Variants in TNRC6C observed in about 807,000 individuals in gnomAD.
TNRC6C encodes the protein trinucleotide repeat containing adaptor 6C.
TNRC6C carries 20 observed loss-of-function variants against 153.7 expected under a neutral mutation model. That is an observed-to-expected ratio of 0.13 (90% CI 0.09 to 0.19). TNRC6C has a LOEUF of 0.19. Ranked by LOEUF, TNRC6C falls within the 10% of genes least tolerant of loss-of-function variation. The pLI is 1.00. For synonymous variants in TNRC6C, 811 were observed against 841.4 expected (o/e 0.96, Z 0.63); for missense variants, 1,987 against 2,172.0 (o/e 0.91, Z 1.69).
chr17:78,099,959 G>T (rs1298896635), intron 17 of TNRC6C, among the ~76,000 whole-genome samples: 1 of 152,212 alleles, frequency 6.6e-6, no homozygotes, highest in Non-Finnish European at 1.5e-5. Flanking sequence ...AAACAGAGGG[G>T]CTCAGGCCCC....
At chr17:77,983,401 A>T (rs923992241) in intron 1 of TNRC6C, among the ~76,000 whole-genome samples, 2 of 152,224 alleles carry the variant, frequency 1.3e-5, no homozygotes, top group African/African-American at 4.8e-5. Context: ...TACCAAGGCA[A>T]AATGGGGTAA....
At position 78,049,551 on chromosome 17, in the gene TNRC6C, A is replaced by G. The variant is rs756067258; in HGVS notation, c.489A>G (p.Gln163=). The change falls in exon 3 of 20, where the codon CAA becomes CAG. Residue 163 remains glutamine (Q), a synonymous_variant. Transcript: ENST00000301624. This position sits in a 1 kb window ranked among gnomAD's most constrained non-coding sequence, Gnocchi z 4.1. ...TGCCACAAGAGAGCACAGAACCACA[A>G]ACGTCCACTTCTCAGAATGTGTCTT... The G allele has an allele frequency of 3.5e-5, 56 of 1,613,896 alleles. No homozygotes were observed. Among genetic ancestry groups the G allele is most frequent in the Non-Finnish European group, 4.3e-5 (51 of 1,179,904 alleles).
chr17:78,088,868 A>G (rs1398080407), intron 13 of TNRC6C, among the ~76,000 whole-genome samples: 3 of 148,320 alleles, frequency 2.0e-5, no homozygotes, highest in African/African-American at 7.5e-5. Context: ...ATTTCATCCC[A>G]CCTATTATCC....
intron 2 of TNRC6C, among the ~76,000 whole-genome samples, chr17:78,047,003 T>C (rs1266664603): frequency 6.6e-6 from 1 of 151,908 alleles, no homozygotes; most frequent in Non-Finnish European, 1.5e-5. Context: ...ACCTCACATA[T>C]GGAAAAGAAT....
intron 1 of TNRC6C, among the ~76,000 whole-genome samples, chr17:78,023,679 A>G (rs1056485458): frequency 2.6e-5 from 4 of 152,088 alleles, no homozygotes; most frequent in African/African-American, 7.2e-5. Flanking sequence ...GGTGATACAC[A>G]TCTGTCGTCC....
intron 1 of TNRC6C, among the ~76,000 whole-genome samples, chr17:77,992,931 TAA>T (rs1466386538): frequency 6.6e-6 from 1 of 152,180 alleles, no homozygotes; most frequent in Non-Finnish European, 1.5e-5. Flanking sequence ...GTGGTTCCAT[TAA>T]AGTCTTGGAG....
intron 1 of TNRC6C, among the ~76,000 whole-genome samples, chr17:78,021,236 G>C (rs776421370): frequency 7.9e-5 from 12 of 152,250 alleles, no homozygotes; most frequent in Non-Finnish European, 1.5e-4. Context: ...AACCTCTCCA[G>C]AGAGTCCAGG....
chr17:78,094,060 A>G (rs189318634), intron 16 of TNRC6C, among the ~76,000 whole-genome samples: 12 of 151,602 alleles, frequency 7.9e-5, no homozygotes, highest in Admixed American at 2.0e-4. Context: ...GCTCTCTGCA[A>G]TCTCCACCTT....
chr17:77,970,612 G>A (rs745341757), intron 1 of TNRC6C, among the ~76,000 whole-genome samples: 58 of 152,192 alleles, frequency 3.8e-4, no homozygotes, highest in Non-Finnish European at 5.4e-4. Flanking sequence ...CTTTGAATGC[G>A]GCCCAAAACA....
At chr17:77,994,025 T>C (rs916291971) in intron 1 of TNRC6C, among the ~76,000 whole-genome samples, 1 of 152,096 alleles carries the variant, frequency 6.6e-6, no homozygotes, top group Non-Finnish European at 1.5e-5. Context: ...AAACCCCGTC[T>C]CTACTGAAAA....
rs771888246 is a variant in TNRC6C at position 78,079,652 on chromosome 17, A to G, written c.3357+111A>G. 13 of 1,385,008 alleles carry G rather than the reference A, an allele frequency of 9.4e-6. No individual in the cohort carries two copies. The highest frequency in any genetic ancestry group is 1.4e-5 in the African/African-American group (1 of 69,438). The allele number at this position is 1,385,008 out of a possible 1,614,324, so 85.8% of individuals were successfully genotyped here. A position where few individuals can be genotyped will look rare whatever the true frequency, so the allele number is the denominator to read the frequency against. On this transcript the variant is annotated intron_variant, in intron 10 of 19. Transcript: ENST00000301624. This position sits in a 1 kb window ranked among gnomAD's most constrained non-coding sequence, Gnocchi z 4.3. The stretch of plus-strand genomic sequence containing the variant: ...TTTAAAGTGAGAGCGGAGTTAATCC[A>G]TGTTTAAGAGAAGGCCTTCTGGTTT...
intron 3 of TNRC6C, among the ~76,000 whole-genome samples, chr17:78,057,825 T>TTGTGTG (rs113475283): frequency 6.6e-6 from 1 of 151,466 alleles, no homozygotes; most frequent in South Asian, 2.1e-4. Flanking sequence ...AATTACATTT[T>TTGTGTG]TGTGTGTGTG....
chr17:78,085,071 C>G (rs2073256395), intron 11 of TNRC6C, among the ~76,000 whole-genome samples: 1 of 152,154 alleles, frequency 6.6e-6, no homozygotes, highest in African/African-American at 2.4e-5. Context: ...AAGGAGACAG[C>G]TCTGAAAACA....
At chr17:78,050,281 A>G in exon 3 of TNRC6C, 7 of 1,549,858 alleles carry the variant, frequency 4.5e-6, no homozygotes, top group Non-Finnish European at 6.1e-6. Context: ...TGGCAACCAC[A>G]ATGAAGGAAG....
chr17:78,049,792 A>G lies in TNRC6C; in HGVS notation c.730A>G (p.Ile244Val). 1 of 1,601,740 alleles carries G rather than the reference A, an allele frequency of 6.2e-7. No homozygotes were observed. The highest frequency in any genetic ancestry group is 8.5e-7 in the Non-Finnish European group (1 of 1,172,644). Residue 244 changes from isoleucine to valine, a missense_variant, in exon 3 of 20, where the codon ATA (isoleucine) becomes GTA (valine). Transcript: ENST00000301624. The surrounding 1 kb of genome is among the most constrained non-coding windows in gnomAD (Gnocchi z 4.1). ...AGTCAGTGGGGGCAGTGCTGAAGGA[A>G]TAAGCAATTCTGTGTGGGGACTGTC...
intron 2 of TNRC6C, among the ~76,000 whole-genome samples, chr17:78,035,549 A>C (rs1320486126): frequency 6.6e-6 from 1 of 152,226 alleles, no homozygotes; most frequent in Non-Finnish European, 1.5e-5. Context: ...AGTGTTCACA[A>C]ATCCCAGCTA....
chr17:78,086,930 G>A (rs1258252269), exon 13 of TNRC6C: 1 of 1,612,538 alleles, frequency 6.2e-7, no homozygotes, highest in Non-Finnish European at 8.5e-7. Context: ...TGCTCGTGAA[G>A]CAGCCACCAC....
chr17:78,103,239 G>A (rs1360126948), intron 18 of TNRC6C, among the ~76,000 whole-genome samples, 175 bp from the exon 22 acceptor site: 5 of 152,194 alleles, frequency 3.3e-5, no homozygotes, highest in East Asian at 1.9e-4. Context: ...TTAGTTACAC[G>A]TTTGGCCACA....
chr17:78,080,791 A>AG (rs966545646), intron 10 of TNRC6C, among the ~76,000 whole-genome samples: 3 of 152,178 alleles, frequency 2.0e-5, no homozygotes, highest in Non-Finnish European at 4.4e-5. Context: ...TCTAGCAGAG[A>AG]GGGAAAAAAC....
Sources: gnomAD v4.1 joint callset for allele counts (sites outside exome capture counted in the v4.1 genomes callset) on GRCh38, gnomAD v4.1.1 for gene constraint, Gnocchi (gnomAD v3.1) non-coding constraint, MANE v1.5 for transcripts, NCBI Gene and HGNC (gene_info 2026-07-23, HGNC 2026-07-21) for gene names.